CD36: variants seen among roughly 807,000 people sequenced by gnomAD.
CD36 encodes platelet glycoprotein 4.
CD36 carries 119 observed loss-of-function variants against 55.2 expected under a neutral mutation model. The ratio of observed to expected loss-of-function variants is 2.15; its 90% confidence interval spans 1.86 to 2.51. The LOEUF is 2.51. CD36 is among the 30% of genes most tolerant of loss of function. The probability of loss-of-function intolerance (pLI) is 0.00; values close to 1 mark genes in which losing one functional copy is unlikely to be tolerated. For missense variants in CD36, 819 were observed against 555.5 expected, an observed-to-expected ratio of 1.47 and a Z score of -4.77; for synonymous variants, 186 against 193.6, an observed-to-expected ratio of 0.96 and a Z score of 0.33.
At chr7:80,646,392 G>C in intron 2 of CD36, 1 of 327,380 alleles carries the variant, frequency 3.1e-6, no homozygotes, top group Non-Finnish European at 6.0e-6. Flanking sequence ...ATTTCAATAT[G>C]TTAATCATGT....
intron 1 of CD36, among the ~76,000 whole-genome samples, chr7:80,631,937 C>T (rs1243067861): frequency 6.6e-6 from 1 of 151,784 alleles, no homozygotes; most frequent in Non-Finnish European, 1.5e-5. Flanking sequence ...GATGTTCCCA[C>T]TGTTAATTCT....
rs761671835 is a variant in CD36 at position 80,674,038 on chromosome 7, A to G, written c.1310A>G (p.Lys437Arg). Reference sequence around the variant, plus strand: ...ATGTTCAGAAGTCAAGTAACTGGAAAAATAAACCTCCTTGGCCTGATAGAA... The same window carrying G: ...ATGTTCAGAAGTCAAGTAACTGGAAGAATAAACCTCCTTGGCCTGATAGAA... ...ANMFRSQVTG[K>R]INLLGLIEMI... is the part of the protein sequence containing the mutation. Residue 437 changes from lysine (K) to arginine (R), a missense_variant, in exon 14 of 15, where the codon AAA (lysine) becomes AGA (arginine). Lys to Arg is a conservative substitution (Grantham distance 26). Transcript: ENST00000447544. The G allele has an allele frequency of 6.2e-7, 1 of 1,612,524 alleles. No individual in the cohort carries two copies. Among genetic ancestry groups the G allele is most frequent in the Non-Finnish European group, 8.5e-7 (1 of 1,178,966 alleles).
intron 6 of CD36, 58 bp from the exon 7 acceptor site, chr7:80,664,348 T>C (rs1796819336): frequency 1.1e-6 from 1 of 886,450 alleles, no homozygotes; most frequent in Admixed American, 1.7e-5. Flanking sequence ...AGTTATGTAT[T>C]GTACAACTTT....
At chr7:80,634,939 T>C (rs918505565), upstream of CD36, among the ~76,000 whole-genome samples, 1 of 151,916 alleles carries the variant, frequency 6.6e-6, no homozygotes, top group African/African-American at 2.4e-5. Context: ...AAGTAAAAAT[T>C]GTCAAATTAA....
At chr7:80,633,815 G>T (rs1464659489), upstream of CD36, among the ~76,000 whole-genome samples, 2 of 151,918 alleles carry the variant, frequency 1.3e-5, no homozygotes, top group Admixed American at 6.6e-5. Flanking sequence ...AATAAATGTT[G>T]CCTGGTTTTA....
intron 1 of CD36, chr7:80,626,151 T>C (rs1378154149): frequency 6.6e-6 from 1 of 152,082 alleles, no homozygotes; most frequent in African/African-American, 2.4e-5. Flanking sequence ...TCAGCGACTA[T>C]GGGCTTGCTA....
chr7:80,648,035 G>T (rs1200684793), intron 3 of CD36, among the ~76,000 whole-genome samples: 2 of 152,156 alleles, frequency 1.3e-5, no homozygotes, highest in Admixed American at 6.5e-5. Context: ...TGACTGTATT[G>T]TGTTTATTGC....
intron 5 of CD36, 124 bp downstream of exon 5, chr7:80,661,334 C>A (rs1337298339): frequency 3.2e-6 from 3 of 924,776 alleles, no homozygotes; most frequent in East Asian, 2.7e-5. Context: ...ATTCCTATAT[C>A]ATTATTTTGA....
chr7:80,666,062 T>A (rs1260728403), intron 7 of CD36: 1 of 211,084 alleles, frequency 4.7e-6, no homozygotes, highest in East Asian at 1.2e-4. Context: ...AGTTACCCAC[T>A]TAACACTTTC....
chr7:80,649,677 G>C (rs1161996887), intron 3 of CD36, among the ~76,000 whole-genome samples: 1 of 151,896 alleles, frequency 6.6e-6, no homozygotes, highest in African/African-American at 2.4e-5. Flanking sequence ...GTGTTTCAAA[G>C]GTCAGAGTTC....
chr7:80,669,052 C>T (rs968255568), intron 8 of CD36, among the ~76,000 whole-genome samples: 1 of 152,124 alleles, frequency 6.6e-6, no homozygotes, highest in East Asian at 1.9e-4. Flanking sequence ...TAGTAATCAG[C>T]CATTAGGACA....
At chr7:80,628,003 T>C (rs1793845406) in intron 1 of CD36, among the ~76,000 whole-genome samples, 1 of 151,940 alleles carries the variant, frequency 6.6e-6, no homozygotes, top group Non-Finnish European at 1.5e-5. Flanking sequence ...TAAAAAAGAG[T>C]ACATCTGTTC....
intron 3 of CD36, among the ~76,000 whole-genome samples, chr7:80,650,636 G>GA (rs995955978): frequency 6.6e-6 from 1 of 151,940 alleles, no homozygotes; most frequent in Non-Finnish European, 1.5e-5. Flanking sequence ...GTGATATTTG[G>GA]AAAAAAATAA....
intron 1 of CD36, chr7:80,633,365 A>G (rs1794199461): frequency 6.6e-6 from 1 of 151,986 alleles, no homozygotes; most frequent in South Asian, 2.1e-4. Flanking sequence ...ACCTATAGGT[A>G]AGATTATTTT....
intron 10 of CD36, among the ~76,000 whole-genome samples, chr7:80,671,397 G>A (rs562483542): frequency 6.6e-6 from 1 of 152,116 alleles, no homozygotes; most frequent in Non-Finnish European, 1.5e-5. Context: ...TGCTGATTTT[G>A]TATTTTGGGA....
chr7:80,671,288 A>C, intron 10 of CD36, 124 bp downstream of exon 10: 1 of 656,370 alleles, frequency 1.5e-6, no homozygotes, highest in South Asian at 2.0e-5. Context: ...GATATTCTTT[A>C]AAATGAGAAC....
chr7:80,626,849 CT>C (rs1297691294), intron 1 of CD36, among the ~76,000 whole-genome samples: 1 of 151,978 alleles, frequency 6.6e-6, no homozygotes. Flanking sequence ...TTTAGTCATG[CT>C]TTTAGGTTCT....
In CD36 at chr7:80,678,623, G is replaced by A. The variant is rs745504797; in HGVS notation, c.*2240G>A. The stretch of plus-strand genomic sequence containing the variant: ...TGCCTGTAATCCCAGCACTTTGGGA[G>A]GCAGGTGGATCACGAGGTCAGGAGA... On this transcript the variant is annotated 3_prime_UTR_variant, in exon 15 of 15. Coordinates refer to ENST00000447544, the MANE Select transcript of CD36 (RefSeq NM_001001548.3). The A allele has an allele frequency of 6.6e-6, 1 of 152,232 alleles. No homozygotes were observed. Among genetic ancestry groups the A allele is most frequent in the Non-Finnish European group, 1.5e-5 (1 of 68,094 alleles). The allele number at this position is 152,232 out of a possible 1,614,324, so 9.4% of individuals were successfully genotyped here.
chr7:80,656,776 G>A, intron 4 of CD36, 76 bp downstream of exon 4: 1 of 1,293,642 alleles, frequency 7.7e-7, no homozygotes, highest in Non-Finnish European at 1.1e-6. Context: ...CTTGGCAAAT[G>A]TCATTGTATT....
Sources: gnomAD v4.1 joint callset for allele counts (sites outside exome capture counted in the v4.1 genomes callset) on GRCh38, gnomAD v4.1.1 for gene constraint, MANE v1.5 for transcripts, NCBI Gene and HGNC (gene_info 2026-07-23, HGNC 2026-07-21) for gene names.